The following KCNJ4 variants were observed in gnomAD, a reference collection of about 807,000 sequenced individuals.
The protein encoded by KCNJ4 is potassium inwardly rectifying channel subfamily J member 4.
In KCNJ4, 3 loss-of-function variants were observed where a neutral mutation model predicts 25.6. That is an observed-to-expected ratio of 0.12 (90% CI 0.05 to 0.30). KCNJ4 has a LOEUF of 0.30. Among genes scored for constraint, KCNJ4 ranks in the 10% least tolerant of loss-of-function variants. The pLI is 1.00. For synonymous variants in KCNJ4, 257 were observed against 283.9 expected (o/e 0.91, Z 0.95); for missense variants, 286 against 666.8 (o/e 0.43, Z 6.29).
In KCNJ4 at chr22:38,428,017, G is replaced by A. The variant is rs774696024; in HGVS notation, c.116C>T (p.Ser39Leu). The A allele has an allele frequency of 6.2e-7, 1 of 1,614,208 alleles. No homozygotes were observed. Among genetic ancestry groups the A allele is most frequent in the East Asian group, 2.2e-5 (1 of 44,882 alleles). The part of the protein sequence containing the change: ...NVYFANLSNK[S>L]QRYMADIFTT... ...GAAGATGTCCGCCATGTAGCGCTGCGACTTGTTGCTCAGGTTGGCGAAGTA... is the reference window on the plus strand; with the variant it reads ...GAAGATGTCCGCCATGTAGCGCTGCAACTTGTTGCTCAGGTTGGCGAAGTA... Residue 39 changes from serine (S) to leucine (L), a missense_variant, in exon 2 of 2, where the codon TCG (serine) becomes TTG (leucine). Ser to Leu is a moderately radical substitution (Grantham distance 145, BLOSUM62 -2). Transcript: ENST00000303592.
intron 1 of KCNJ4, among the ~76,000 whole-genome samples, chr22:38,437,217 C>T (rs757978331): frequency 1.3e-5 from 2 of 152,226 alleles, no homozygotes; most frequent in Non-Finnish European, 2.9e-5. Context: ...AAGCAAGCTC[C>T]CCAAAATGTC....
At chr22:38,448,688 G>A (rs1481226470) in intron 1 of KCNJ4, among the ~76,000 whole-genome samples, 1 of 152,230 alleles carries the variant, frequency 6.6e-6, no homozygotes, top group East Asian at 1.9e-4. Context: ...GCAGCTCCGG[G>A]TTGAGAGGCT....
intron 1 of KCNJ4, among the ~76,000 whole-genome samples, chr22:38,432,923 A>G (rs1206207831): frequency 6.6e-6 from 1 of 151,642 alleles, no homozygotes; most frequent in Non-Finnish European, 1.5e-5. Context: ...GTCAGCCGAG[A>G]TCACACCACT....
chr22:38,435,783 C>A (rs2093063786), intron 1 of KCNJ4, among the ~76,000 whole-genome samples: 1 of 152,118 alleles, frequency 6.6e-6, no homozygotes, highest in African/African-American at 2.4e-5. Flanking sequence ...CCCACTCCAG[C>A]TGAGGCCCTC....
chr22:38,444,754 C>T (rs1053456161), intron 1 of KCNJ4, among the ~76,000 whole-genome samples: 12 of 152,326 alleles, frequency 7.9e-5, no homozygotes, highest in South Asian at 4.1e-4. Flanking sequence ...GGGGGGGCCA[C>T]GGGCTGCATG....
At chr22:38,437,443 C>G (rs756310940) in intron 1 of KCNJ4, among the ~76,000 whole-genome samples, 4 of 152,216 alleles carry the variant, frequency 2.6e-5, no homozygotes, top group Non-Finnish European at 5.9e-5. Flanking sequence ...TTTTCCAGAA[C>G]AACCGCAGCT....
At chr22:38,446,810 A>G (rs1359686711) in intron 1 of KCNJ4, among the ~76,000 whole-genome samples, 2 of 151,864 alleles carry the variant, frequency 1.3e-5, no homozygotes, top group African/African-American at 4.8e-5. Context: ...ACAAAAATTA[A>G]CCGAGCATGG....
Position 38,455,144 on chromosome 22 carries a change from G to A in KCNJ4, c.-204C>T, listed in dbSNP as rs2089432944. On this transcript the variant is annotated 5_prime_UTR_variant, in exon 1 of 2. Transcript: ENST00000303592. Reference sequence around the variant, plus strand: ...GCGCTCCCCTCCCCGGCTGCCGCTCGGTCTGCGCGTGGGTCTTGGGGTCTC... The same window carrying A: ...GCGCTCCCCTCCCCGGCTGCCGCTCAGTCTGCGCGTGGGTCTTGGGGTCTC... 6.8e-6 allele frequency: 1 copy of A among 147,910 alleles called. No homozygotes were observed. The highest frequency in any genetic ancestry group is 2.0e-4 in the East Asian group (1 of 4,992). The allele number at this position is 147,910 out of a possible 1,614,324, so 9.2% of individuals were successfully genotyped here.
chr22:38,429,704 C>T (rs1569118710), intron 1 of KCNJ4, among the ~76,000 whole-genome samples: 1 of 152,192 alleles, frequency 6.6e-6, no homozygotes, highest in Non-Finnish European at 1.5e-5. Flanking sequence ...CCGTAGAGGA[C>T]AGACCTTCTC....
rs1310507987 is a variant in KCNJ4, at chr22:38,443,349, C to T, written c.-40+11631G>A. On this transcript the variant is annotated intron_variant, in intron 1 of 1. Transcript: ENST00000303592. The surrounding 1 kb of genome is among the most constrained non-coding windows in gnomAD (Gnocchi z 4.1). Reference sequence around the variant, plus strand: ...GTGGCTTAAAATACCACCTAGCCTGCGCCTCCCTCCCAGGCAGCTACAAGC... The same window carrying T: ...GTGGCTTAAAATACCACCTAGCCTGTGCCTCCCTCCCAGGCAGCTACAAGC... 2.0e-5 allele frequency among the ~76,000 whole-genome samples: 3 copies of T among 152,090 alleles called. No homozygotes were observed. Among genetic ancestry groups the T allele is most frequent in the South Asian group, 2.1e-4 (1 of 4,830 alleles).
rs558219240 is a variant in KCNJ4 at position 38,440,976 on chromosome 22, C to T, written c.-39-12805G>A. Among the ~76,000 whole-genome samples, 4 of 152,268 alleles carry T rather than the reference C, an allele frequency of 2.6e-5. 1 individual carries two copies. The highest frequency in any genetic ancestry group is 7.2e-5 in the African/African-American group (3 of 41,554). ...AGAGCTGGGTGCATGAGATGGTGAA[C>T]GCTGGTGACAGGTTGAGTTGTGAGG... On this transcript the variant is annotated intron_variant, in intron 1 of 1. Coordinates refer to ENST00000303592, the MANE Select transcript of KCNJ4 (RefSeq NM_152868.3).
At chr22:38,438,108 A>G (rs1367715392) in intron 1 of KCNJ4, among the ~76,000 whole-genome samples, 1 of 151,410 alleles carries the variant, frequency 6.6e-6, no homozygotes, top group Non-Finnish European at 1.5e-5. Context: ...GTGTGGTGGC[A>G]GGCGCCTGTA....
At chr22:38,446,744 T>C (rs1354986939) in intron 1 of KCNJ4, among the ~76,000 whole-genome samples, 1 of 151,792 alleles carries the variant, frequency 6.6e-6, no homozygotes. Flanking sequence ...CACATGAGGG[T>C]CAGGAGTTCG....
In KCNJ4 at chr22:38,443,562, C is replaced by T. The variant is rs1260682448; in HGVS notation, c.-40+11418G>A. Among the ~76,000 whole-genome samples the T allele has an allele frequency of 6.6e-6, 1 of 152,208 alleles. No homozygotes were observed. Among genetic ancestry groups the T allele is most frequent in the Non-Finnish European group, 1.5e-5 (1 of 68,032 alleles). On this transcript the variant is annotated intron_variant, in intron 1 of 1. Coordinates refer to ENST00000303592, the MANE Select transcript of KCNJ4 (RefSeq NM_152868.3). This position sits in a 1 kb window ranked among gnomAD's most constrained non-coding sequence, Gnocchi z 4.1. ...TCCTCCAGCCCTCCCTAAGCCCAACCGCAATAACAATGGGTTAATAACTAA... is the reference window on the plus strand; with the variant it reads ...TCCTCCAGCCCTCCCTAAGCCCAACTGCAATAACAATGGGTTAATAACTAA...
Position 38,429,696 on chromosome 22 carries a change from G to A in KCNJ4, c.-39-1525C>T, listed in dbSNP as rs191554816. 1.2e-3 allele frequency among the ~76,000 whole-genome samples: 179 copies of A among 152,260 alleles called. 2 individuals are homozygous for A. The highest frequency in any genetic ancestry group is 3.5e-3 in the African/African-American group (146 of 41,556). On this transcript the variant is annotated intron_variant, in intron 1 of 1. Coordinates refer to ENST00000303592, the MANE Select transcript of KCNJ4 (RefSeq NM_152868.3). Reference sequence around the variant, plus strand: ...GGGTGGCGGGATGCGCCTCGGGCCCGTAGAGGACAGACCTTCTCTCCACCC... The same window carrying A: ...GGGTGGCGGGATGCGCCTCGGGCCCATAGAGGACAGACCTTCTCTCCACCC...
chr22:38,444,392 G>A (rs1176239729), intron 1 of KCNJ4, among the ~76,000 whole-genome samples: 1 of 152,222 alleles, frequency 6.6e-6, no homozygotes, highest in African/African-American at 2.4e-5. Flanking sequence ...AGCGGAGGTG[G>A]CCTCTGAGCA....
At chr22:38,429,300 C>G (rs1402067840) in intron 1 of KCNJ4, among the ~76,000 whole-genome samples, 1 of 152,126 alleles carries the variant, frequency 6.6e-6, no homozygotes, top group Admixed American at 6.5e-5. Flanking sequence ...CCAGCTCTGA[C>G]TCCTCTGTAG....
chr22:38,444,574 C>T (rs1024841839), intron 1 of KCNJ4, among the ~76,000 whole-genome samples: 2 of 152,178 alleles, frequency 1.3e-5, no homozygotes, highest in Admixed American at 1.3e-4. Flanking sequence ...ATGTCCTGGC[C>T]TCACCCAGGG....
chr22:38,449,568 G>A lies in KCNJ4; in HGVS notation c.-40+5412C>T, dbSNP rs1001207271. On this transcript the variant is annotated intron_variant, in intron 1 of 1. Transcript: ENST00000303592. This position sits in a 1 kb window ranked among gnomAD's most constrained non-coding sequence, Gnocchi z 5.2. ...TGTGTCTGTGCCTGAGCATGCACGC[G>A]CAGGCTGAAAGGGGGCTGCGAGCAG... Among the ~76,000 whole-genome samples the A allele has an allele frequency of 5.9e-5, 9 of 152,168 alleles. No individual in the cohort carries two copies. The highest frequency in any genetic ancestry group is 1.0e-4 in the Non-Finnish European group (7 of 68,022).
Sources: gnomAD v4.1 joint callset for allele counts (sites outside exome capture counted in the v4.1 genomes callset) on GRCh38, gnomAD v4.1.1 for gene constraint, Gnocchi (gnomAD v3.1) non-coding constraint, MANE v1.5 for transcripts, NCBI Gene and HGNC (gene_info 2026-07-23, HGNC 2026-07-21) for gene names.